PPFIA2: variants seen among roughly 807,000 people sequenced by gnomAD.
The protein encoded by PPFIA2 is liprin-alpha-2.
PPFIA2 carries 46 observed loss-of-function variants against 175.5 expected under a neutral mutation model. The ratio of observed to expected loss-of-function variants is 0.26; its 90% CI spans 0.21 to 0.34. The LOEUF is 0.34. Ranked by LOEUF, PPFIA2 falls within the 10% of genes least tolerant of loss-of-function variation. The pLI, the probability that PPFIA2 is intolerant of heterozygous loss-of-function variation, is 1.00. For missense variants in PPFIA2, 1,179 were observed against 1,506.1 expected (o/e 0.78, Z 3.60); for synonymous variants, 568 against 511.4 (o/e 1.11, Z -1.49).
intron 4 of PPFIA2, among the ~76,000 whole-genome samples, chr12:81,540,924 A>G (rs868466860): frequency 3.2e-4 from 48 of 151,994 alleles, no homozygotes; most frequent in African/African-American, 1.1e-3. Flanking sequence ...AAAAACAATT[A>G]AAGTTGGTGC....
At chr12:81,473,463 T>C (rs1041866974) in intron 4 of PPFIA2, among the ~76,000 whole-genome samples, 1 of 152,136 alleles carries the variant, frequency 6.6e-6, no homozygotes, top group Non-Finnish European at 1.5e-5. Context: ...ACTGGGTATA[T>C]AACAAATTGA....
At chr12:81,539,080 G>C (rs1336768646) in intron 4 of PPFIA2, among the ~76,000 whole-genome samples, 3 of 151,882 alleles carry the variant, frequency 2.0e-5, no homozygotes, top group African/African-American at 7.3e-5. Flanking sequence ...GAGAACTCAA[G>C]GATGATTTCA....
intron 9 of PPFIA2, among the ~76,000 whole-genome samples, chr12:81,380,791 T>C (rs963169520): frequency 6.6e-6 from 1 of 152,120 alleles, no homozygotes; most frequent in African/African-American, 2.4e-5. Context: ...AAAATGGAGA[T>C]AATAATTAGC....
intron 3 of PPFIA2, among the ~76,000 whole-genome samples, chr12:81,684,619 G>GT (rs1053838033): frequency 3.3e-5 from 5 of 152,130 alleles, no homozygotes; most frequent in African/African-American, 1.2e-4. Context: ...AAGCAATAAT[G>GT]TTTGCACAAT....
chr12:81,311,457 G>A lies in PPFIA2; in HGVS notation c.2643-12075C>T, dbSNP rs186586550. On this transcript the variant is annotated intron_variant, in intron 22 of 32. Coordinates refer to ENST00000549396, the MANE Select transcript of PPFIA2 (RefSeq NM_003625.5). ...ACATTAAGAAAGGTAGAGGCGGCCC[G>A]GCGTGGTGGCTCACGCCTGTAGTCC... 8.5e-4 allele frequency among the ~76,000 whole-genome samples: 130 copies of A among 152,236 alleles called. 1 individual carries two copies. The highest frequency in any genetic ancestry group is 2.2e-3 in the African/African-American group (90 of 41,556).
chr12:81,341,022 G>T, intron 20 of PPFIA2, 56 bp downstream of exon 20: 1 of 1,478,326 alleles, frequency 6.8e-7, no homozygotes, highest in Non-Finnish European at 9.2e-7. Flanking sequence ...AACGAAGGAA[G>T]AGGAATATTT....
chr12:81,672,032 A>T (rs1328185979), intron 4 of PPFIA2, among the ~76,000 whole-genome samples: 1 of 151,964 alleles, frequency 6.6e-6, no homozygotes, highest in African/African-American at 2.4e-5. Context: ...TGAAATGAGT[A>T]ACTGTGTATT....
At chr12:81,697,692 C>T (rs548847304) in intron 3 of PPFIA2, among the ~76,000 whole-genome samples, 7 of 152,186 alleles carry the variant, frequency 4.6e-5, no homozygotes, top group Non-Finnish European at 8.8e-5. Context: ...CAAATGCTCC[C>T]ATATGTCTGT....
intron 7 of PPFIA2, among the ~76,000 whole-genome samples, chr12:81,422,051 T>C (rs901598634): frequency 4.0e-5 from 6 of 150,340 alleles, no homozygotes; most frequent in Non-Finnish European, 8.9e-5. Context: ...TATATATATA[T>C]ACATATATAT....
chr12:81,557,311 A>T (rs1184667611), intron 4 of PPFIA2, among the ~76,000 whole-genome samples: 1 of 151,902 alleles, frequency 6.6e-6, no homozygotes, highest in Admixed American at 6.6e-5. Context: ...TAGAAATTTG[A>T]CTGAACTCTG....
intron 24 of PPFIA2, among the ~76,000 whole-genome samples, chr12:81,293,208 G>C (rs917406835): frequency 1.3e-5 from 2 of 151,784 alleles, no homozygotes; most frequent in Non-Finnish European, 2.9e-5. Flanking sequence ...GTAATTATCA[G>C]AAATAATATA....
intron 22 of PPFIA2, among the ~76,000 whole-genome samples, chr12:81,316,966 T>C (rs976635937): frequency 6.6e-6 from 1 of 151,676 alleles, no homozygotes; most frequent in East Asian, 1.9e-4. Flanking sequence ...TGGAAAGCTA[T>C]ATTTCTTGAT....
At chr12:81,443,845 C>CTTTTTTTTTTTTTTTTTTT (rs1183160145) in intron 6 of PPFIA2, among the ~76,000 whole-genome samples, 1 of 71,164 alleles carries the variant, frequency 1.4e-5, no homozygotes, top group African/African-American at 5.9e-5. Context: ...GCCAACCTTT[C>CTTTTTTTTTTTTTTTTTTT]TTTTTTTTTT....
intron 3 of PPFIA2, among the ~76,000 whole-genome samples, chr12:81,749,734 T>C (rs17748138): frequency 7.0e-6 from 1 of 143,390 alleles, no homozygotes; most frequent in African/African-American, 2.4e-5. Context: ...ATTTGCCTCA[T>C]ATTCTTTAAT....
At chr12:81,415,305 A>G (rs2045010131) in intron 7 of PPFIA2, among the ~76,000 whole-genome samples, 1 of 127,478 alleles carries the variant, frequency 7.8e-6, no homozygotes, top group African/African-American at 2.8e-5. Context: ...TCAGTCAACT[A>G]ATATTTATTG....
chr12:81,342,356 A>G (rs2058261935), intron 19 of PPFIA2, among the ~76,000 whole-genome samples: 2 of 152,122 alleles, frequency 1.3e-5, no homozygotes, highest in Admixed American at 1.3e-4. Context: ...CTGATGAAAA[A>G]AGTTCTTAGT....
chr12:81,594,190 A>G (rs539913233), intron 4 of PPFIA2, among the ~76,000 whole-genome samples: 1 of 152,164 alleles, frequency 6.6e-6, no homozygotes, highest in East Asian at 1.9e-4. Flanking sequence ...TCTCAAGTTC[A>G]TGGAAAAATT....
At chr12:81,616,260 C>T (rs866278867) in intron 4 of PPFIA2, among the ~76,000 whole-genome samples, 10 of 151,990 alleles carry the variant, frequency 6.6e-5, no homozygotes, top group Admixed American at 2.0e-4. Context: ...TCTAGTAGAA[C>T]GTTATCCACA....
chr12:81,441,973 A>G (rs1440215688), intron 6 of PPFIA2, among the ~76,000 whole-genome samples: 1 of 152,128 alleles, frequency 6.6e-6, no homozygotes, highest in Non-Finnish European at 1.5e-5. Flanking sequence ...TTCGCATAAT[A>G]TAAGAAATGG....
Sources: gnomAD v4.1 joint callset for allele counts (sites outside exome capture counted in the v4.1 genomes callset) on GRCh38, gnomAD v4.1.1 for gene constraint, MANE v1.5 for transcripts, NCBI Gene and HGNC (gene_info 2026-07-23, HGNC 2026-07-21) for gene names.